Variants in DIAPH3 observed in about 807,000 individuals in gnomAD.
DIAPH3 encodes protein diaphanous homolog 3.
In DIAPH3, 117 loss-of-function variants were observed where a neutral mutation model predicts 144.3. The ratio of observed to expected loss-of-function variants is 0.81; its 90% CI spans 0.70 to 0.95. DIAPH3 has a LOEUF of 0.95. Ranked by LOEUF, DIAPH3 falls within the 40% of genes least tolerant of loss-of-function variation. The pLI, the probability that DIAPH3 is intolerant of heterozygous loss-of-function variation, is 0.00. For synonymous variants in DIAPH3, 519 were observed against 488.9 expected, an observed-to-expected ratio of 1.06 and a Z score of -0.81; for missense variants, 1,421 against 1,412.7, an observed-to-expected ratio of 1.01 and a Z score of -0.09.
At chr13:60,138,792 A>AGGGAAGAGGGAAGAGGGAAGG in intron 1 of DIAPH3, among the ~76,000 whole-genome samples, 1 of 124,532 alleles carries the variant, frequency 8.0e-6, no homozygotes, top group Non-Finnish European at 1.7e-5. Flanking sequence ...GAAGGGGAAG[A>AGGGAAGAGGGAAGAGGGAAGG]GGGAAGAGGG....
At chr13:59,727,303 C>A (rs2035649860) in intron 27 of DIAPH3, among the ~76,000 whole-genome samples, 2 of 151,718 alleles carry the variant, frequency 1.3e-5, no homozygotes, top group South Asian at 4.2e-4. Flanking sequence ...AAAAAAAAAA[C>A]AATTGTTTGT....
intron 2 of DIAPH3, among the ~76,000 whole-genome samples, chr13:60,114,674 A>ACAC (rs2058658291): frequency 8.1e-6 from 1 of 122,780 alleles, no homozygotes; most frequent in Non-Finnish European, 1.8e-5. Flanking sequence ...CACACACACA[A>ACAC]ACACACACAC....
intron 13 of DIAPH3, among the ~76,000 whole-genome samples, chr13:59,981,580 T>C (rs925187383): frequency 5.3e-5 from 8 of 151,058 alleles, no homozygotes; most frequent in South Asian, 2.1e-4. Context: ...AGTTATGATA[T>C]ATATACATGA....
chr13:60,159,164 C>T (rs1019500279), intron 1 of DIAPH3, among the ~76,000 whole-genome samples: 1 of 152,078 alleles, frequency 6.6e-6, no homozygotes, highest in Admixed American at 6.5e-5. Flanking sequence ...CCTTGTATAT[C>T]TTCTCACCTC....
At chr13:59,942,800 G>T (rs552575034) in intron 17 of DIAPH3, among the ~76,000 whole-genome samples, 1 of 151,912 alleles carries the variant, frequency 6.6e-6, no homozygotes, top group South Asian at 2.1e-4. Context: ...ACATTATTTT[G>T]CATTTTACTT....
intron 3 of DIAPH3, among the ~76,000 whole-genome samples, chr13:60,098,289 G>T (rs2058167897): frequency 6.6e-6 from 1 of 152,098 alleles, no homozygotes; most frequent in South Asian, 2.1e-4. Flanking sequence ...GGTGGCCTCT[G>T]GTGGATTCTC....
chr13:59,793,611 T>C (rs1034073198), intron 25 of DIAPH3, among the ~76,000 whole-genome samples: 1 of 152,180 alleles, frequency 6.6e-6, no homozygotes, highest in Non-Finnish European at 1.5e-5. Flanking sequence ...TTCATGTGAC[T>C]CCCTTGTCAA....
At chr13:59,732,651 C>T (rs1807236527) in intron 27 of DIAPH3, among the ~76,000 whole-genome samples, 2 of 151,934 alleles carry the variant, frequency 1.3e-5, no homozygotes, top group African/African-American at 2.4e-5. Flanking sequence ...CCACATTGCC[C>T]AAGCCAATCT....
intron 27 of DIAPH3, among the ~76,000 whole-genome samples, chr13:59,729,099 G>A (rs566058157): frequency 1.3e-5 from 2 of 152,312 alleles, no homozygotes; most frequent in South Asian, 4.1e-4. Flanking sequence ...ACATTCATGT[G>A]GCAAAGAAGA....
chr13:59,981,194 A>G (rs2050989680), intron 13 of DIAPH3, among the ~76,000 whole-genome samples: 1 of 151,460 alleles, frequency 6.6e-6, no homozygotes. Context: ...ACAAGCTTAA[A>G]AAAAACAGCC....
chr13:59,856,882 AT>A, intron 22 of DIAPH3, among the ~76,000 whole-genome samples: 1 of 150,590 alleles, frequency 6.6e-6, no homozygotes, highest in Non-Finnish European at 1.5e-5. Context: ...TAACTACATC[AT>A]ATAGGCAGAT....
intron 14 of DIAPH3, among the ~76,000 whole-genome samples, chr13:59,978,880 C>T (rs1310252539): frequency 6.6e-6 from 1 of 151,654 alleles, no homozygotes; most frequent in East Asian, 1.9e-4. Context: ...TGTATTAGTG[C>T]ATCTGTACAA....
At chr13:60,116,563 A>G (rs1024424469) in intron 2 of DIAPH3, among the ~76,000 whole-genome samples, 1 of 151,920 alleles carries the variant, frequency 6.6e-6, no homozygotes, top group African/African-American at 2.4e-5. Context: ...CACAGAAACT[A>G]TTCTGGTTCT....
chr13:60,134,707 G>GA (rs905873944), intron 1 of DIAPH3, among the ~76,000 whole-genome samples: 47 of 146,700 alleles, frequency 3.2e-4, no homozygotes, highest in South Asian at 2.3e-3. Context: ...CTGTGAAAAA[G>GA]AAAAAAAAAA....
chr13:59,666,739 G>T lies in DIAPH3; in HGVS notation c.3427C>A (p.His1143Asn), dbSNP rs1330263728. Residue 1143 changes from histidine (H) to asparagine (N), a missense_variant, in exon 28 of 28, where the codon CAT becomes AAT. Coordinates refer to ENST00000400324, the MANE Select transcript of DIAPH3 (RefSeq NM_001042517.2). ...AKELNYNLDT[H>N]TSTGRIKAAE... Reference sequence around the variant, plus strand: ...GCCTTGATCCTCCCAGTAGACGTATGAGTGTCTAGATTATAATTAAGCTCC... The same window carrying T: ...GCCTTGATCCTCCCAGTAGACGTATTAGTGTCTAGATTATAATTAAGCTCC... The T allele has an allele frequency of 1.2e-6, 2 of 1,613,994 alleles. No individual in the cohort carries two copies. Among genetic ancestry groups the T allele is most frequent in the Non-Finnish European group, 1.7e-6 (2 of 1,180,004 alleles).
chr13:59,672,972 T>C (rs975027865), intron 27 of DIAPH3, among the ~76,000 whole-genome samples: 3 of 152,236 alleles, frequency 2.0e-5, no homozygotes, highest in Non-Finnish European at 4.4e-5. Context: ...GAAACTATTA[T>C]ATAAACTTCT....
intron 21 of DIAPH3, among the ~76,000 whole-genome samples, chr13:59,870,536 C>T (rs1054179137): frequency 6.6e-6 from 1 of 152,032 alleles, no homozygotes; most frequent in African/African-American, 2.4e-5. Context: ...CTCACTGGGG[C>T]TCTATTGAAC....
At chr13:59,943,769 T>A (rs1346356086) in intron 17 of DIAPH3, among the ~76,000 whole-genome samples, 1 of 152,198 alleles carries the variant, frequency 6.6e-6, no homozygotes, top group Non-Finnish European at 1.5e-5. Flanking sequence ...TTCTGATATT[T>A]ATTCTATCAG....
At chr13:59,689,910 T>C (rs1287806769) in intron 27 of DIAPH3, among the ~76,000 whole-genome samples, 2 of 152,050 alleles carry the variant, frequency 1.3e-5, no homozygotes, top group Non-Finnish European at 2.9e-5. Flanking sequence ...TTTTTTATGC[T>C]ATGAAAGTTG....
Sources: gnomAD v4.1 joint callset for allele counts (sites outside exome capture counted in the v4.1 genomes callset) on GRCh38, gnomAD v4.1.1 for gene constraint, MANE v1.5 for transcripts, NCBI Gene and HGNC (gene_info 2026-07-23, HGNC 2026-07-21) for gene names.